DZANK1: variants seen among roughly 807,000 people sequenced by gnomAD.
DZANK1 encodes double zinc ribbon and ankyrin repeat domains 1, also known as double zinc ribbon and ankyrin repeat-containing protein 1.
Under a neutral mutation model 94.5 loss-of-function variants are expected in DZANK1, and 91 were observed. The observed-to-expected ratio is 0.96, with a 90% CI of 0.81 to 1.15. The LOEUF (loss-of-function observed/expected upper bound fraction) is 1.15, where lower values mean the gene tolerates loss of function less well. Among genes scored for constraint, DZANK1 ranks in the 50% most tolerant of loss-of-function variants. The pLI is 0.00. For synonymous variants in DZANK1, 312 were observed against 325.3 expected (o/e 0.96, Z 0.44); for missense variants, 903 against 916.4 (o/e 0.99, Z 0.19).
At chr20:18,428,413 TCCTGG>T in intron 9 of DZANK1, among the ~76,000 whole-genome samples, 1 of 152,106 alleles carries the variant, frequency 6.6e-6, no homozygotes, top group East Asian at 2.0e-4. Context: ...GGTCTCAAAC[TCCTGG>T]CCTCGTGATC....
At chr20:18,416,349 C>T (rs1288490006) in intron 10 of DZANK1, among the ~76,000 whole-genome samples, 1 of 152,286 alleles carries the variant, frequency 6.6e-6, no homozygotes, top group African/African-American at 2.4e-5. Context: ...GCTCCACCGG[C>T]CAGCTTCCTT....
chr20:18,394,716 A>T, intron 15 of DZANK1: 1 of 488,720 alleles, frequency 2.0e-6, no homozygotes, highest in Non-Finnish European at 4.1e-6. Flanking sequence ...TCTCTGCTTA[A>T]AGTCCTTCAA....
chr20:18,399,220 T>G (rs2056532631), intron 13 of DZANK1, among the ~76,000 whole-genome samples: 1 of 152,026 alleles, frequency 6.6e-6, no homozygotes, highest in Non-Finnish European at 1.5e-5. Flanking sequence ...TACAATAACT[T>G]ACCTAATATT....
exon 13 of DZANK1, chr20:18,412,704 C>G (rs1332017826): frequency 6.2e-7 from 1 of 1,613,596 alleles, no homozygotes. Context: ...TCTCCTGCCT[C>G]TGCTTTTGAG....
chr20:18,427,330 T>A (rs561294253), intron 9 of DZANK1, among the ~76,000 whole-genome samples, 171 bp from the exon 10 acceptor site: 4 of 152,118 alleles, frequency 2.6e-5, no homozygotes, highest in Non-Finnish European at 5.9e-5. Context: ...GACAAATATC[T>A]GTAGGTTTTT....
In DZANK1 at chr20:18,394,251, C is replaced by T. The variant is rs746079981; in HGVS notation, c.1708+3G>A. 3.1e-6 allele frequency: 5 copies of T among 1,612,450 alleles called. No homozygotes were observed. In the Admixed American group the frequency reaches 6.7e-5, roughly 22 times the overall value. On this transcript the variant is annotated splice_donor_region_variant and intron_variant, in intron 16 of 20. Coordinates refer to ENST00000262547, the Ensembl canonical transcript of DZANK1. ...TTAAAATTGCCAGAAGGGAATAACT[C>T]ACCCCAGCTGGACCTGCTGCCGCAC...
chr20:18,406,315 C>G (rs1454185822), intron 13 of DZANK1, among the ~76,000 whole-genome samples: 1 of 152,202 alleles, frequency 6.6e-6, no homozygotes, highest in Non-Finnish European at 1.5e-5. Flanking sequence ...GAGAGGAGAG[C>G]AAGGAGTAAA....
intron 13 of DZANK1, among the ~76,000 whole-genome samples, chr20:18,405,803 C>T (rs566710694): frequency 9.8e-5 from 15 of 152,318 alleles, no homozygotes; most frequent in East Asian, 5.8e-4. Context: ...GCAGGAGAGA[C>T]GGTCTTGAAT....
chr20:18,449,071 TA>T lies in DZANK1; in HGVS notation c.544-3del. The stretch of plus-strand genomic sequence containing the variant: ...GCTTACGTGTGCAAAACCGGGGGAC[TA>T]AAATTAAGAATATAGGTATAAAGAC... On this transcript the variant is annotated splice_polypyrimidine_tract_variant and splice_region_variant and intron_variant, in intron 6 of 20. Transcript: ENST00000262547. 1.9e-6 allele frequency: 3 copies of T among 1,612,586 alleles called. No homozygotes were observed. Among genetic ancestry groups the T allele is most frequent in the Non-Finnish European group, 2.5e-6 (3 of 1,178,778 alleles).
At chr20:18,417,284 C>T (rs2057540546) in intron 10 of DZANK1, among the ~76,000 whole-genome samples, 1 of 152,206 alleles carries the variant, frequency 6.6e-6, no homozygotes, top group Non-Finnish European at 1.5e-5. Flanking sequence ...GAAACAGTTA[C>T]ATCACTGACA....
intron 10 of DZANK1, among the ~76,000 whole-genome samples, chr20:18,424,819 A>G (rs933753201): frequency 6.6e-6 from 1 of 152,230 alleles, no homozygotes; most frequent in African/African-American, 2.4e-5. Context: ...CCTGTGGATG[A>G]ATCAACCAGT....
chr20:18,416,165 C>T (rs974846816), intron 10 of DZANK1, among the ~76,000 whole-genome samples: 1 of 152,130 alleles, frequency 6.6e-6, no homozygotes, highest in African/African-American at 2.4e-5. Context: ...AGAGGGAGAG[C>T]TTGGGGACAC....
chr20:18,426,870 C>A lies in DZANK1; in HGVS notation c.954+197G>T, dbSNP rs2058066590. 2.6e-5 allele frequency among the ~76,000 whole-genome samples: 4 copies of A among 152,196 alleles called. No homozygotes were observed. In the South Asian group the frequency reaches 8.3e-4, roughly 31 times the overall value. Reference sequence around the variant, plus strand: ...GAAATTATTGATTTTACTGAATCCTCTTGAAGTTAAGACTTTGAAAACAAT... The same window carrying A: ...GAAATTATTGATTTTACTGAATCCTATTGAAGTTAAGACTTTGAAAACAAT... On this transcript the variant is annotated intron_variant, in intron 10 of 20. Coordinates refer to ENST00000262547, the Ensembl canonical transcript of DZANK1.
intron 11 of DZANK1, 150 bp downstream of exon 11, chr20:18,415,177 A>AT: frequency 1.3e-6 from 1 of 770,068 alleles, no homozygotes; most frequent in East Asian, 3.3e-5. Context: ...AAGATAATTA[A>AT]TTATCTCTAT....
At chr20:18,458,744 C>A (rs1484531181) in intron 3 of DZANK1, among the ~76,000 whole-genome samples, 2 of 152,136 alleles carry the variant, frequency 1.3e-5, no homozygotes, top group Non-Finnish European at 2.9e-5. Context: ...TCTTGATGCT[C>A]CCAGAACGCA....
intron 12 of DZANK1, 187 bp from the exon 13 acceptor site, chr20:18,413,040 G>A: frequency 1.6e-6 from 1 of 622,608 alleles, no homozygotes; most frequent in Non-Finnish European, 2.8e-6. Context: ...CTTCCAGCCT[G>A]ATCCAGGATT....
intron 3 of DZANK1, among the ~76,000 whole-genome samples, chr20:18,459,650 A>G (rs2059405754): frequency 6.6e-6 from 1 of 152,182 alleles, no homozygotes; most frequent in African/African-American, 2.4e-5. Flanking sequence ...AATGGGAAAA[A>G]GTCATTAAGA....
intron 13 of DZANK1, among the ~76,000 whole-genome samples, chr20:18,404,353 T>G (rs905473458): frequency 2.0e-5 from 3 of 152,042 alleles, no homozygotes; most frequent in Non-Finnish European, 4.4e-5. Context: ...CTAGGTGTGG[T>G]CAGGAAAGAG....
intron 3 of DZANK1, among the ~76,000 whole-genome samples, chr20:18,459,348 A>T (rs1281545398): frequency 6.6e-6 from 1 of 152,202 alleles, no homozygotes; most frequent in African/African-American, 2.4e-5. Flanking sequence ...TGCCAAGGCA[A>T]TCATGTTTGC....
Sources: gnomAD v4.1 joint callset for allele counts (sites outside exome capture counted in the v4.1 genomes callset) on GRCh38, gnomAD v4.1.1 for gene constraint, MANE v1.5 for transcripts, NCBI Gene and HGNC (gene_info 2026-07-23, HGNC 2026-07-21) for gene names.